Variants in SUPT6H observed in about 807,000 individuals in gnomAD.
SUPT6H encodes the protein transcription elongation factor SPT6.
Under a neutral mutation model 222.3 loss-of-function variants are expected in SUPT6H, and 11 were observed. The observed-to-expected ratio is 0.05, with a 90% CI of 0.03 to 0.08. The LOEUF is 0.08. Among genes scored for constraint, SUPT6H ranks in the 10% least tolerant of loss-of-function variants. The probability of loss-of-function intolerance (pLI) is 1.00; values close to 1 mark genes in which losing one functional copy is unlikely to be tolerated. For synonymous variants in SUPT6H, 762 were observed against 801.2 expected, an observed-to-expected ratio of 0.95 and a Z score of 0.83; for missense variants, 1,422 against 2,216.0, an observed-to-expected ratio of 0.64 and a Z score of 7.19.
At chr17:28,678,021 G>A in intron 8 of SUPT6H, 55 bp from the exon 9 acceptor site, 1 of 1,554,206 alleles carries the variant, frequency 6.4e-7, no homozygotes, top group South Asian at 1.1e-5. Context: ...AGTCTTGTAT[G>A]GTAAGACAAA....
At position 28,682,012 on chromosome 17, in the gene SUPT6H, T is replaced by C. The variant is rs762465973; in HGVS notation, c.1597+32T>C. On this transcript the variant is annotated intron_variant, in intron 13 of 36. Transcript: ENST00000314616. ...GCTAGCTGCTTTGGGATTTAGGCAT[T>C]CTAGCCTGAGCAAGGGGAGTTACCC... 6.4e-6 allele frequency: 10 copies of C among 1,564,366 alleles called. No individual in the cohort carries two copies. In the East Asian group the frequency reaches 2.3e-4, roughly 36 times the overall value.
intron 19 of SUPT6H, 50 bp downstream of exon 19, chr17:28,685,011 T>A: frequency 2.0e-6 from 3 of 1,530,248 alleles, no homozygotes; most frequent in Non-Finnish European, 2.7e-6. Context: ...GTATGTCTTA[T>A]GATTCAGTGG....
At chr17:28,687,514 C>T (rs757447452) in intron 23 of SUPT6H, 43 bp downstream of exon 23, 9 of 1,592,906 alleles carry the variant, frequency 5.7e-6, no homozygotes, top group African/African-American at 1.3e-5. Context: ...CTTGCCATTT[C>T]ATTGAATATG....
At chr17:28,679,083 A>G (rs1344261152) in intron 11 of SUPT6H, 120 bp downstream of exon 11, 3 of 1,323,060 alleles carry the variant, frequency 2.3e-6, no homozygotes, top group South Asian at 2.8e-5. Context: ...TAGAAATCCA[A>G]CTTGTCAACC....
chr17:28,682,887 A>C (rs761690258), intron 14 of SUPT6H, 31 bp downstream of exon 14: 2 of 1,613,604 alleles, frequency 1.2e-6, no homozygotes, highest in African/African-American at 1.3e-5. Context: ...TGACAGGAGG[A>C]GGGGCCTGAG....
chr17:28,678,436 A>G, intron 9 of SUPT6H, 109 bp from the exon 10 acceptor site: 1 of 1,137,096 alleles, frequency 8.8e-7, no homozygotes, highest in South Asian at 1.3e-5. Context: ...CAGGCTTCTG[A>G]CTGTTGAATT....
intron 23 of SUPT6H, 86 bp downstream of exon 23, chr17:28,687,557 TG>T (rs2031449007): frequency 2.1e-6 from 3 of 1,430,164 alleles, no homozygotes; most frequent in Non-Finnish European, 2.8e-6. Context: ...TTTGACAGAT[TG>T]GGAGGACCAA....
chr17:28,701,503 G>T lies in SUPT6H; in HGVS notation c.5059G>T (p.Ala1687Ser), dbSNP rs1313231030. 1.2e-6 allele frequency: 2 copies of T among 1,614,158 alleles called. No individual in the cohort carries two copies. The highest frequency in any genetic ancestry group is 4.5e-5 in the East Asian group (2 of 44,882). ...MAEQWLQEKE[A>S]ERRKQKQRLT... ...GGAGCAGTGGCTGCAGGAAAAGGAGGCAGAACGGCGGAAACAGAAGCAGCG... is the reference window on the plus strand; with the variant it reads ...GGAGCAGTGGCTGCAGGAAAAGGAGTCAGAACGGCGGAAACAGAAGCAGCG... Residue 1687 changes from alanine to serine, a missense_variant, in exon 37 of 37, where the codon GCA becomes TCA. Around this residue, in one of 13 missense-constraint regions of SUPT6H, gnomAD observed 395 missense variants for 580.6 expected, o/e 0.68. Transcript: ENST00000314616.
intron 9 of SUPT6H, 96 bp downstream of exon 9, chr17:28,678,288 G>A (rs139232999): frequency 1.1e-5 from 12 of 1,120,136 alleles, no homozygotes; most frequent in African/African-American, 4.7e-5. Flanking sequence ...CCCCCTTCCC[G>A]TATCCCCTAT....
intron 35 of SUPT6H, chr17:28,700,729 A>G (rs2032097639): frequency 1.1e-6 from 1 of 926,110 alleles, no homozygotes; most frequent in African/African-American, 1.7e-5. Flanking sequence ...GGAACCCGCA[A>G]GCCACCAGAA....
At chr17:28,689,227 G>A in intron 24 of SUPT6H, 127 bp from the exon 25 acceptor site, 1 of 768,476 alleles carries the variant, frequency 1.3e-6, no homozygotes, top group Non-Finnish European at 2.1e-6. Context: ...TCTTGTTAAT[G>A]GCTGTATAGT....
intron 1 of SUPT6H, among the ~76,000 whole-genome samples, chr17:28,670,600 A>C (rs1225905029): frequency 6.6e-6 from 1 of 152,130 alleles, no homozygotes; most frequent in African/African-American, 2.4e-5. Flanking sequence ...AAAATGAACA[A>C]TCCGGCCAGG....
At chr17:28,668,450 C>G (rs2151604470) in intron 1 of SUPT6H, among the ~76,000 whole-genome samples, 1 of 152,312 alleles carries the variant, frequency 6.6e-6, no homozygotes, top group East Asian at 1.9e-4. Flanking sequence ...TGGCACACCT[C>G]TTATAACTGG....
intron 11 of SUPT6H, 147 bp from the exon 12 acceptor site, chr17:28,681,109 T>C (rs1401949447): frequency 1.3e-6 from 1 of 776,806 alleles, no homozygotes; most frequent in Non-Finnish European, 2.0e-6. Context: ...AGAAAAATAA[T>C]AACAATAGTA....
At chr17:28,700,696 T>A in intron 35 of SUPT6H, 184 bp downstream of exon 35, 1 of 980,982 alleles carries the variant, frequency 1.0e-6, no homozygotes, top group Non-Finnish European at 1.5e-6. Context: ...GGCATAACCT[T>A]TCCACGGGCC....
At chr17:28,692,800 G>A (rs2151653681) in intron 27 of SUPT6H, among the ~76,000 whole-genome samples, 1 of 147,614 alleles carries the variant, frequency 6.8e-6, no homozygotes, top group South Asian at 2.2e-4. Flanking sequence ...AGGAGATCGA[G>A]GCCATCCTGG....
At chr17:28,685,816 A>G (rs943380203) in intron 19 of SUPT6H, among the ~76,000 whole-genome samples, 9 of 152,334 alleles carry the variant, frequency 5.9e-5, no homozygotes, top group African/African-American at 1.9e-4. Context: ...CAGAATATCT[A>G]ATAGTCCTAA....
In SUPT6H at chr17:28,681,251, T is replaced by A; in HGVS notation, c.1350-5T>A. 1 of 1,613,698 alleles carries A rather than the reference T, an allele frequency of 6.2e-7. No individual in the cohort carries two copies. The highest frequency in any genetic ancestry group is 8.5e-7 in the Non-Finnish European group (1 of 1,179,942). On this transcript the variant is annotated splice_region_variant and splice_polypyrimidine_tract_variant and intron_variant, in intron 11 of 36. Coordinates refer to ENST00000314616, the MANE Select transcript of SUPT6H (RefSeq NM_003170.5). ...GACTGAAACCTTATGTCTCTTCTTT[T>A]TCAGGCTCAAGGATGTCCAATCAAT... is the stretch of plus-strand genomic sequence containing the variant.
In SUPT6H at chr17:28,688,949, CAT is replaced by C. The variant is rs1296574193; in HGVS notation, c.3135-401_3135-400del. On this transcript the variant is annotated intron_variant, in intron 24 of 36. Coordinates refer to ENST00000314616, the MANE Select transcript of SUPT6H (RefSeq NM_003170.5). This position sits in a 1 kb window ranked among gnomAD's most constrained non-coding sequence, Gnocchi z 4.3. Reference sequence around the variant, plus strand: ...TCTTGATTTATCTTATTATGAGACTCATATAAGTTCATCATATAAAATTCAAC... The same window carrying C: ...TCTTGATTTATCTTATTATGAGACTCATAAGTTCATCATATAAAATTCAAC... The C allele has an allele frequency of 5.5e-6, 1 of 181,174 alleles. No individual in the cohort carries two copies. The highest frequency in any genetic ancestry group is 5.6e-5 in the Admixed American group (1 of 17,872). 11.2% of individuals were successfully genotyped at this position (181,174 alleles called of 1,614,324 possible).
Sources: gnomAD v4.1 joint callset for allele counts (sites outside exome capture counted in the v4.1 genomes callset) on GRCh38, gnomAD v4.1.1 for gene constraint, gnomAD v4.1.1 regional missense constraint, Gnocchi (gnomAD v3.1) non-coding constraint, MANE v1.5 for transcripts, NCBI Gene and HGNC (gene_info 2026-07-23, HGNC 2026-07-21) for gene names.